AFTPH: variants seen among roughly 807,000 people sequenced by gnomAD.
AFTPH encodes the protein aftiphilin.
In AFTPH, 7 loss-of-function variants were observed where a neutral mutation model predicts 72.5. That is an observed-to-expected ratio of 0.10 (90% CI 0.05 to 0.18). AFTPH has a LOEUF of 0.18. AFTPH is among the 10% of genes least tolerant of loss of function. AFTPH has a pLI of 1.00. For synonymous variants in AFTPH, 337 were observed against 370.1 expected (o/e 0.91, Z 1.03); for missense variants, 979 against 1,060.5 (o/e 0.92, Z 1.07).
At chr2:64,584,462 G>A (rs1673382364) in intron 7 of AFTPH, among the ~76,000 whole-genome samples, 1 of 151,892 alleles carries the variant, frequency 6.6e-6, no homozygotes, top group African/African-American at 2.4e-5. Context: ...AATTAACCCT[G>A]TAGACAAGAA....
intron 1 of AFTPH, among the ~76,000 whole-genome samples, chr2:64,547,986 A>G (rs1186903878): frequency 6.6e-6 from 1 of 151,742 alleles, no homozygotes; most frequent in African/African-American, 2.4e-5. Flanking sequence ...GGGTTACATC[A>G]TGTTGCCCAA....
intron 1 of AFTPH, among the ~76,000 whole-genome samples, chr2:64,550,142 G>T (rs1216863271): frequency 6.6e-6 from 1 of 152,170 alleles, no homozygotes; most frequent in Non-Finnish European, 1.5e-5. Flanking sequence ...AGTTTTATTT[G>T]TAATAGGAAA....
Position 64,572,408 on chromosome 2 carries a change from G to T in AFTPH, c.2272-538G>T, listed in dbSNP as rs537749985. Among the ~76,000 whole-genome samples, 9 of 152,216 alleles carry T rather than the reference G, an allele frequency of 5.9e-5. No homozygotes were observed. The South Asian group carries it at 1.9e-3, about 32-fold the overall frequency. On this transcript the variant is annotated intron_variant, in intron 5 of 8. Transcript: ENST00000238856. ...AAGGATATAGATGTCATATTATATG[G>T]CGTGTTTTACAATCAGCTCTCACTT...
chr2:64,556,713 C>T (rs1164604768), intron 2 of AFTPH, among the ~76,000 whole-genome samples: 2 of 152,108 alleles, frequency 1.3e-5, no homozygotes, highest in Middle Eastern at 3.4e-3. Context: ...ACTTAGGTAG[C>T]GAAAAGTCAA....
At chr2:64,535,211 G>C (rs1408595817) in intron 1 of AFTPH, among the ~76,000 whole-genome samples, 2 of 152,198 alleles carry the variant, frequency 1.3e-5, no homozygotes, top group African/African-American at 4.8e-5. Context: ...CATCCCTGGA[G>C]TTATAAAGTC....
intron 1 of AFTPH, among the ~76,000 whole-genome samples, chr2:64,543,207 T>C (rs1670365324): frequency 6.6e-6 from 1 of 152,218 alleles, no homozygotes; most frequent in South Asian, 2.1e-4. Context: ...TGTTCAAATA[T>C]TTTGGCCATT....
intron 1 of AFTPH, among the ~76,000 whole-genome samples, chr2:64,546,767 G>T (rs1269540541): frequency 2.0e-5 from 3 of 152,022 alleles, no homozygotes; most frequent in African/African-American, 7.3e-5. Flanking sequence ...GGGCATGGTG[G>T]CTCACGCCTG....
At chr2:64,538,959 T>G (rs961659982) in intron 1 of AFTPH, among the ~76,000 whole-genome samples, 3 of 148,010 alleles carry the variant, frequency 2.0e-5, no homozygotes, top group Non-Finnish European at 1.5e-5. Context: ...CACAGTTACG[T>G]TTTTAGGTTA....
At position 64,551,306 on chromosome 2, in the gene AFTPH, G is replaced by C. The variant is rs1002151005; in HGVS notation, c.-32-137G>C. On this transcript the variant is annotated intron_variant, in intron 1 of 8. Coordinates refer to ENST00000238856, the Ensembl canonical transcript of AFTPH. Reference sequence around the variant, plus strand: ...TTAAAAGATACAAAACATCATGCAGGACATGGTCAAGGAAAAAAGGAGACA... The same window carrying C: ...TTAAAAGATACAAAACATCATGCAGCACATGGTCAAGGAAAAAAGGAGACA... 24 of 662,310 alleles carry C rather than the reference G, an allele frequency of 3.6e-5. 1 individual carries two copies. Among genetic ancestry groups the C allele is most frequent in the East Asian group, 1.1e-4 (4 of 35,608 alleles). The allele number at this position is 662,310 out of a possible 1,614,324, so 41.0% of individuals were successfully genotyped here.
intron 2 of AFTPH, among the ~76,000 whole-genome samples, chr2:64,563,719 C>T (rs960321567): frequency 3.9e-5 from 6 of 152,150 alleles, no homozygotes; most frequent in Non-Finnish European, 7.3e-5. Context: ...TTCTCTTTGC[C>T]TGGGCCTCCC....
At chr2:64,550,730 C>CACACACA (rs1299044267) in intron 1 of AFTPH, among the ~76,000 whole-genome samples, 2 of 140,262 alleles carry the variant, frequency 1.4e-5, no homozygotes, top group Non-Finnish European at 3.1e-5. Context: ...CACACACACA[C>CACACACA]AACTGGTGAA....
At chr2:64,583,232 G>C (rs1175048624) in intron 7 of AFTPH, among the ~76,000 whole-genome samples, 1 of 150,486 alleles carries the variant, frequency 6.6e-6, no homozygotes, top group South Asian at 2.1e-4. Context: ...TAATTATTTT[G>C]TGTGTGAGAC....
At chr2:64,585,802 C>T (rs1673469957) in intron 8 of AFTPH, among the ~76,000 whole-genome samples, 2 of 148,260 alleles carry the variant, frequency 1.3e-5, no homozygotes, top group South Asian at 4.6e-4. Context: ...CCCCCCACCT[C>T]ACTTTGTAGA....
chr2:64,542,348 G>T (rs1042055689), intron 1 of AFTPH, among the ~76,000 whole-genome samples: 1 of 152,158 alleles, frequency 6.6e-6, no homozygotes, highest in African/African-American at 2.4e-5. Flanking sequence ...AGAGGAATAC[G>T]TAGGGAATAC....
chr2:64,583,433 T>C (rs1673329176), intron 7 of AFTPH, among the ~76,000 whole-genome samples: 1 of 151,236 alleles, frequency 6.6e-6, no homozygotes, highest in Non-Finnish European at 1.5e-5. Flanking sequence ...GTGGTAGTTA[T>C]TTGGGGGTGT....
intron 3 of AFTPH, among the ~76,000 whole-genome samples, 198 bp from the exon 4 acceptor site, chr2:64,568,894 G>A (rs1419875738): frequency 2.0e-5 from 3 of 152,220 alleles, no homozygotes; most frequent in African/African-American, 7.2e-5. Context: ...TTACAGGCGT[G>A]AGCCACCGCA....
chr2:64,553,743 G>A (rs1008288590), intron 2 of AFTPH, among the ~76,000 whole-genome samples: 1 of 147,836 alleles, frequency 6.8e-6, no homozygotes. Context: ...CCTAATTGAC[G>A]GTTCCAGTCA....
At chr2:64,588,656 C>A (rs550921993) in intron 8 of AFTPH, among the ~76,000 whole-genome samples, 1 of 152,302 alleles carries the variant, frequency 6.6e-6, no homozygotes, top group African/African-American at 2.4e-5. Context: ...GTTTGCATTT[C>A]CCTGATAGCT....
chr2:64,544,691 A>G (rs1670460543), intron 1 of AFTPH, among the ~76,000 whole-genome samples: 1 of 143,760 alleles, frequency 7.0e-6, no homozygotes, highest in Non-Finnish European at 1.5e-5. Context: ...TACAAGTAAT[A>G]CTTCAATTAA....
Sources: gnomAD v4.1 joint callset for allele counts (sites outside exome capture counted in the v4.1 genomes callset) on GRCh38, gnomAD v4.1.1 for gene constraint, MANE v1.5 for transcripts, NCBI Gene and HGNC (gene_info 2026-07-23, HGNC 2026-07-21) for gene names.